Variants in RBPMS observed in about 807,000 individuals in gnomAD.
The protein encoded by RBPMS is RNA binding protein, mRNA processing factor, also known as RNA-binding protein with multiple splicing.
In RBPMS, 7 loss-of-function variants were observed where a neutral mutation model predicts 26.8. The ratio of observed to expected loss-of-function variants is 0.26; its 90% CI spans 0.15 to 0.49. The LOEUF (loss-of-function observed/expected upper bound fraction) is 0.49. Among genes scored for constraint, RBPMS ranks in the 20% least tolerant of loss-of-function variants. The pLI, the probability that RBPMS is intolerant of heterozygous loss-of-function variation, is 0.98. For missense variants in RBPMS, 186 were observed against 250.0 expected, an observed-to-expected ratio of 0.74 and a Z score of 1.73; for synonymous variants, 96 against 93.3, an observed-to-expected ratio of 1.03 and a Z score of -0.17.
chr8:30,467,839 G>C (rs1816675967), intron 1 of RBPMS, among the ~76,000 whole-genome samples: 1 of 152,092 alleles, frequency 6.6e-6, no homozygotes. Flanking sequence ...ATTTGGGCTT[G>C]GATTTGTTCT....
At chr8:30,389,169 C>G (rs1807479544) in intron 1 of RBPMS, among the ~76,000 whole-genome samples, 1 of 152,166 alleles carries the variant, frequency 6.6e-6, no homozygotes, top group South Asian at 2.1e-4. Context: ...CTCTGTTATT[C>G]CAAGTTCAAT....
At chr8:30,465,748 C>G (rs1816425382) in intron 1 of RBPMS, among the ~76,000 whole-genome samples, 1 of 152,166 alleles carries the variant, frequency 6.6e-6, no homozygotes, top group African/African-American at 2.4e-5. Flanking sequence ...GAAATCGTGC[C>G]ACTGCACTCC....
chr8:30,517,907 G>GA (rs1822523560), intron 5 of RBPMS, among the ~76,000 whole-genome samples: 1 of 152,202 alleles, frequency 6.6e-6, no homozygotes, highest in East Asian at 1.9e-4. Flanking sequence ...ATCAAAAACT[G>GA]AAAGTGTAGG....
At chr8:30,414,120 C>A (rs1221872927) in intron 1 of RBPMS, among the ~76,000 whole-genome samples, 1 of 149,524 alleles carries the variant, frequency 6.7e-6, no homozygotes, top group African/African-American at 2.5e-5. Context: ...ACCCCCTCCT[C>A]TCCTTTTGAT....
intron 1 of RBPMS, among the ~76,000 whole-genome samples, chr8:30,410,409 C>T (rs968569134): frequency 3.3e-5 from 5 of 151,916 alleles, no homozygotes; most frequent in African/African-American, 9.7e-5. Context: ...GGGGTTTCAC[C>T]ATGTTAGCCA....
chr8:30,531,127 C>T (rs994516358), intron 5 of RBPMS, among the ~76,000 whole-genome samples: 1 of 151,904 alleles, frequency 6.6e-6, no homozygotes, highest in African/African-American at 2.4e-5. Flanking sequence ...TAAGGTATTT[C>T]CCGTCCCCTA....
chr8:30,479,732 C>T (rs1254135082), intron 4 of RBPMS, among the ~76,000 whole-genome samples: 1 of 151,910 alleles, frequency 6.6e-6, no homozygotes, highest in South Asian at 2.1e-4. Context: ...CATCATTATA[C>T]TCTAAATGAC....
intron 3 of RBPMS, among the ~76,000 whole-genome samples, chr8:30,479,075 T>G (rs1818005223): frequency 6.6e-6 from 1 of 152,224 alleles, no homozygotes; most frequent in Admixed American, 6.5e-5. Context: ...CTAGATTTTT[T>G]TATGATTCTC....
At chr8:30,562,326 C>CG (rs148034423) in intron 7 of RBPMS, among the ~76,000 whole-genome samples, 5,109 of 90,184 alleles carry the variant, frequency 0.057, 323 homozygotes, top group African/African-American at 0.17. Flanking sequence ...GCAAGACTGT[C>CG]GAAAAAAAAA....
intron 5 of RBPMS, among the ~76,000 whole-genome samples, chr8:30,528,238 T>G (rs114445597): frequency 0.012 from 1,808 of 151,586 alleles, 41 homozygotes; most frequent in African/African-American, 0.039. Context: ...ATTGTGTGTG[T>G]GGGGGATGTC....
Position 30,468,583 on chromosome 8 carries a change from T to A in RBPMS, c.67-6196T>A, listed in dbSNP as rs192593008. ...CTGTTTACAAGCAAATATGTATATC[T>A]CCATGGATACAGGATTATGTAAATC... On this transcript the variant is annotated intron_variant, in intron 1 of 8. Transcript: ENST00000397323. 4.6e-5 allele frequency among the ~76,000 whole-genome samples: 7 copies of A among 152,266 alleles called. No individual in the cohort carries two copies. In the East Asian group the frequency reaches 1.3e-3, roughly 29 times the overall value.
Position 30,571,091 on chromosome 8 carries a change from G to A in RBPMS, c.*566G>A, listed in dbSNP as rs1383726015. Reference sequence around the variant, plus strand: ...GAAATCTGTGCCTGGCCGGAGTCCAGGGTAAATTAGTAGCATGGTGTTAGA... The same window carrying A: ...GAAATCTGTGCCTGGCCGGAGTCCAAGGTAAATTAGTAGCATGGTGTTAGA... On this transcript the variant is annotated 3_prime_UTR_variant, in exon 9 of 9. Coordinates refer to ENST00000397323, the MANE Select transcript of RBPMS (RefSeq NM_001008710.3). The A allele has an allele frequency of 6.6e-6, 1 of 151,156 alleles. No homozygotes were observed. Among genetic ancestry groups the A allele is most frequent in the Non-Finnish European group, 1.5e-5 (1 of 68,014 alleles). The allele number at this position is 151,156 out of a possible 1,614,324, so 9.4% of individuals were successfully genotyped here. A position where few individuals can be genotyped will look rare whatever the true frequency, so the allele number is the denominator to read the frequency against.
At chr8:30,535,670 C>G (rs1383810884) in intron 5 of RBPMS, among the ~76,000 whole-genome samples, 2 of 152,174 alleles carry the variant, frequency 1.3e-5, no homozygotes, top group Non-Finnish European at 2.9e-5. Context: ...TCAGGTGATC[C>G]TCCCACCTCA....
chr8:30,438,919 G>A (rs1036215904), intron 1 of RBPMS, among the ~76,000 whole-genome samples: 7 of 152,146 alleles, frequency 4.6e-5, no homozygotes, highest in Admixed American at 6.5e-5. Context: ...GCCTACAGGC[G>A]CATGCCACCA....
chr8:30,540,616 G>A (rs1825285260), intron 5 of RBPMS, among the ~76,000 whole-genome samples: 1 of 152,088 alleles, frequency 6.6e-6, no homozygotes, highest in South Asian at 2.1e-4. Context: ...AAGATACGGG[G>A]TCTCGCTATG....
intron 5 of RBPMS, among the ~76,000 whole-genome samples, chr8:30,506,618 TG>T (rs1480824373): frequency 6.6e-6 from 1 of 152,170 alleles, no homozygotes; most frequent in East Asian, 1.9e-4. Flanking sequence ...TACTCAGAAT[TG>T]GTACTCAAGG....
At position 30,460,895 on chromosome 8, in the gene RBPMS, C is replaced by CA. The variant is rs1035573222; in HGVS notation, c.67-13878dup. Among the ~76,000 whole-genome samples the CA allele has an allele frequency of 8.6e-5, 13 of 152,010 alleles. 2 individuals carry two copies. Among genetic ancestry groups the CA allele is most frequent in the African/African-American group, 3.1e-4 (13 of 41,470 alleles). ...ATTTTGTATTTCTCTACCAAAAACA[C>CA]AAAAAATTAGCCAGGCATGGTGGCA... On this transcript the variant is annotated intron_variant, in intron 1 of 8. Coordinates refer to ENST00000397323, the MANE Select transcript of RBPMS (RefSeq NM_001008710.3).
intron 1 of RBPMS, among the ~76,000 whole-genome samples, chr8:30,455,043 G>A (rs1321245883): frequency 1.3e-5 from 2 of 152,144 alleles, no homozygotes; most frequent in Non-Finnish European, 2.9e-5. Flanking sequence ...GGCTGGTCTC[G>A]AATTCCTGAT....
At chr8:30,472,910 T>C (rs367582172) in intron 1 of RBPMS, among the ~76,000 whole-genome samples, 9 of 152,270 alleles carry the variant, frequency 5.9e-5, no homozygotes, top group African/African-American at 1.9e-4. Context: ...ACCCCATCTT[T>C]ACAAAAAATT....
Sources: gnomAD v4.1 joint callset for allele counts (sites outside exome capture counted in the v4.1 genomes callset) on GRCh38, gnomAD v4.1.1 for gene constraint, MANE v1.5 for transcripts, NCBI Gene and HGNC (gene_info 2026-07-23, HGNC 2026-07-21) for gene names.